CHN2: variants seen among roughly 807,000 people sequenced by gnomAD.
CHN2 encodes beta-chimaerin.
In CHN2, 35 loss-of-function variants were observed where a neutral mutation model predicts 56.3. The observed-to-expected ratio is 0.62, with a 90% CI of 0.47 to 0.82. The LOEUF is 0.82. Among genes scored for constraint, CHN2 ranks in the 40% least tolerant of loss-of-function variants. The probability of loss-of-function intolerance (pLI) is 0.00; values close to 1 mark genes in which losing one functional copy is unlikely to be tolerated. For synonymous variants in CHN2, 210 were observed against 212.8 expected (o/e 0.99, Z 0.12); for missense variants, 491 against 580.5 (o/e 0.85, Z 1.58).
chr7:29,214,918 C>T (rs17678863), intron 1 of CHN2, among the ~76,000 whole-genome samples: 20,132 of 152,138 alleles, frequency 0.13, 1,703 homozygotes, highest in Non-Finnish European at 0.19. Context: ...TAAATAGATA[C>T]GTAGCAGTCC....
intron 2 of CHN2, among the ~76,000 whole-genome samples, chr7:29,361,433 T>C (rs1328747722): frequency 1.3e-5 from 2 of 152,188 alleles, no homozygotes; most frequent in East Asian, 1.9e-4. Flanking sequence ...CTGTGCCTAC[T>C]TGCCAACTTC....
intron 6 of CHN2, among the ~76,000 whole-genome samples, chr7:29,423,770 G>A (rs1321790615): frequency 3.3e-5 from 5 of 152,152 alleles, no homozygotes; most frequent in Non-Finnish European, 2.9e-5. Context: ...CTGGGCTTAC[G>A]TCTCCTTTCC....
intron 1 of CHN2, among the ~76,000 whole-genome samples, chr7:29,313,066 CT>C (rs1191412561): frequency 6.6e-6 from 1 of 152,038 alleles, no homozygotes; most frequent in African/African-American, 2.4e-5. Flanking sequence ...TACATGTATT[CT>C]TTTTTATCGG....
In CHN2 at chr7:29,452,718, T is replaced by C. The variant is rs115146234; in HGVS notation, c.577-27561T>C. ...GTTGGCTGGTGCATGCTCTACTGTG[T>C]AAGTGTAATTTGATATAAAGCTGAA... On this transcript the variant is annotated intron_variant, in intron 6 of 12. Coordinates refer to ENST00000222792, the MANE Select transcript of CHN2 (RefSeq NM_004067.4). 6.0e-3 allele frequency among the ~76,000 whole-genome samples: 909 copies of C among 152,350 alleles called. 12 individuals are homozygous for C. Among genetic ancestry groups the C allele is most frequent in the African/African-American group, 0.018 (752 of 41,588 alleles).
chr7:29,344,156 C>T (rs769585049), intron 1 of CHN2, among the ~76,000 whole-genome samples: 2 of 152,118 alleles, frequency 1.3e-5, no homozygotes, highest in South Asian at 2.1e-4. Flanking sequence ...CCATTTTCTC[C>T]GTCTCCACTG....
Position 29,398,484 on chromosome 7 carries a change from C to T in CHN2, c.288C>T (p.Leu96=), listed in dbSNP as rs1349746527. The change falls in exon 5 of 13, where the codon CTC becomes CTT. Residue 96 remains leucine (L), a splice_region_variant and synonymous_variant. Coordinates refer to ENST00000222792, the MANE Select transcript of CHN2 (RefSeq NM_004067.4). ...AACCAGGATGCTACACGCTGGCTCT[C>T]AGGTGAGGCGCATTTCATTCCTTGT... ...QRQPGCYTLA[L]RFGNQTLNYR... 1 of 1,600,654 alleles carries T rather than the reference C, an allele frequency of 6.2e-7. No individual in the cohort carries two copies. The highest frequency in any genetic ancestry group is 1.7e-5 in the Admixed American group (1 of 60,014).
chr7:29,374,231 G>A (rs1406487551), intron 3 of CHN2, among the ~76,000 whole-genome samples: 1 of 152,008 alleles, frequency 6.6e-6, no homozygotes, highest in Non-Finnish European at 1.5e-5. Flanking sequence ...ACTCACTGAT[G>A]CTGTCAGGCC....
At position 29,455,764 on chromosome 7, in the gene CHN2, C is replaced by T. The variant is rs2128133775; in HGVS notation, c.577-24515C>T. On this transcript the variant is annotated intron_variant, in intron 6 of 12. Transcript: ENST00000222792. ...TCTCCCTGGAGAGAACAGAGGATAA[C>T]CTGACACCTTGTCTGAGGACCGTGG... Among the ~76,000 whole-genome samples, 4 of 152,282 alleles carry T rather than the reference C, an allele frequency of 2.6e-5. 1 individual carries two copies. In the South Asian group the frequency reaches 8.3e-4, roughly 32 times the overall value.
intron 1 of CHN2, among the ~76,000 whole-genome samples, chr7:29,204,817 A>T (rs76919208): frequency 0.022 from 3,315 of 152,292 alleles, 144 homozygotes; most frequent in African/African-American, 0.076. Context: ...TTTTTTCGGA[A>T]TATGAATTCT....
At chr7:29,506,049 A>G (rs2128588655) in intron 10 of CHN2, among the ~76,000 whole-genome samples, 1 of 152,316 alleles carries the variant, frequency 6.6e-6, no homozygotes, top group South Asian at 2.1e-4. Flanking sequence ...GAATTCCTAT[A>G]TGATTAAAAC....
At chr7:29,278,537 A>C (rs1791415519) in intron 1 of CHN2, among the ~76,000 whole-genome samples, 1 of 151,792 alleles carries the variant, frequency 6.6e-6, no homozygotes, top group East Asian at 1.9e-4. Context: ...GCTCATTAGT[A>C]GGTTCTATCC....
At chr7:29,465,821 A>T (rs1785505609) in intron 6 of CHN2, among the ~76,000 whole-genome samples, 1 of 152,216 alleles carries the variant, frequency 6.6e-6, no homozygotes, top group Non-Finnish European at 1.5e-5. Context: ...AAATGGAGCC[A>T]TGTTATTATA....
intron 1 of CHN2, among the ~76,000 whole-genome samples, chr7:29,235,998 C>T (rs942022210): frequency 3.9e-5 from 6 of 152,226 alleles, no homozygotes; most frequent in Middle Eastern, 3.4e-3. Flanking sequence ...ACAGTTTGTC[C>T]GCGGAACAAA....
chr7:29,292,627 C>T (rs535304014), intron 1 of CHN2, among the ~76,000 whole-genome samples: 17 of 152,310 alleles, frequency 1.1e-4, no homozygotes, highest in African/African-American at 4.1e-4. Flanking sequence ...TGCCACAGTT[C>T]TGGAATATTT....
chr7:29,244,050 T>C (rs1023516647), intron 1 of CHN2, among the ~76,000 whole-genome samples: 16 of 152,206 alleles, frequency 1.1e-4, no homozygotes, highest in Non-Finnish European at 1.9e-4. Flanking sequence ...GTTTCTAAAC[T>C]AAAAAGGAAA....
chr7:29,377,042 AT>A (rs1800128949), intron 3 of CHN2, among the ~76,000 whole-genome samples: 1 of 152,106 alleles, frequency 6.6e-6, no homozygotes, highest in South Asian at 2.1e-4. Flanking sequence ...TTGTTTGTTT[AT>A]TTGAGACAGA....
intron 4 of CHN2, chr7:29,398,065 G>C (rs912099090): frequency 5.7e-5 from 13 of 227,676 alleles, no homozygotes; most frequent in East Asian, 1.9e-4. Flanking sequence ...AAAAGGGGGG[G>C]GGGGGGCGGT....
At chr7:29,467,642 G>C (rs1463235211) in intron 6 of CHN2, among the ~76,000 whole-genome samples, 1 of 152,188 alleles carries the variant, frequency 6.6e-6, no homozygotes, top group African/African-American at 2.4e-5. Flanking sequence ...ACTCTAGTGG[G>C]GGACAGATAA....
chr7:29,311,328 T>G (rs1794591806), intron 1 of CHN2, among the ~76,000 whole-genome samples: 1 of 152,198 alleles, frequency 6.6e-6, no homozygotes, highest in Non-Finnish European at 1.5e-5. Flanking sequence ...TTCCTGGCAG[T>G]CCCCACTTTT....
Sources: gnomAD v4.1 joint callset for allele counts (sites outside exome capture counted in the v4.1 genomes callset) on GRCh38, gnomAD v4.1.1 for gene constraint, MANE v1.5 for transcripts, NCBI Gene and HGNC (gene_info 2026-07-23, HGNC 2026-07-21) for gene names.